TUBGCP3: variants seen among roughly 807,000 people sequenced by gnomAD.
TUBGCP3 encodes the protein gamma-tubulin complex component 3.
Under a neutral mutation model 123.1 loss-of-function variants are expected in TUBGCP3, and 50 were observed. That is an observed-to-expected ratio of 0.41 (90% CI 0.32 to 0.51). The LOEUF (loss-of-function observed/expected upper bound fraction) is 0.51, where lower values mean the gene tolerates loss of function less well. Ranked by LOEUF, TUBGCP3 falls within the 20% of genes least tolerant of loss-of-function variation. The pLI, the probability that TUBGCP3 is intolerant of heterozygous loss-of-function variation, is 0.36. For missense variants in TUBGCP3, 882 were observed against 1,127.0 expected (o/e 0.78, Z 3.11); for synonymous variants, 405 against 413.9 (o/e 0.98, Z 0.26).
rs2139298029 is a variant in TUBGCP3, at chr13:112,574,837, C to T, written c.77-5578G>A. Among the ~76,000 whole-genome samples the T allele has an allele frequency of 1.3e-5, 2 of 152,344 alleles. 1 individual carries two copies. The highest frequency in any genetic ancestry group is 6.8e-3 in the Middle Eastern group (2 of 294). Reference sequence around the variant, plus strand: ...ATTTTCTTTATCTGTTTGCTGTTTACTGCACCAGCTGGGGCTGGGTAACAC... The same window carrying T: ...ATTTTCTTTATCTGTTTGCTGTTTATTGCACCAGCTGGGGCTGGGTAACAC... On this transcript the variant is annotated intron_variant, in intron 1 of 21. Coordinates refer to ENST00000261965, the MANE Select transcript of TUBGCP3 (RefSeq NM_006322.6).
the TUBGCP3 span, among the ~76,000 whole-genome samples, chr13:112,600,697 G>A: frequency 6.6e-6 from 1 of 151,918 alleles, no homozygotes; most frequent in East Asian, 1.9e-4. Flanking sequence ...TATAAATATC[G>A]CTAGGATCGA....
At chr13:112,516,614 C>T (rs753471453) in intron 16 of TUBGCP3, 39 bp from the exon 17 acceptor site, 43 of 1,600,210 alleles carry the variant, frequency 2.7e-5, no homozygotes, top group Admixed American at 1.4e-4. Flanking sequence ...AGTATTCCCA[C>T]GTAAGAATCC....
chr13:112,530,697 A>G (rs1453287637), intron 11 of TUBGCP3, among the ~76,000 whole-genome samples: 1 of 152,246 alleles, frequency 6.6e-6, no homozygotes, highest in Non-Finnish European at 1.5e-5. Context: ...AGAGTTTCAG[A>G]GATCATTTTA....
At position 112,499,098 on chromosome 13, in the gene TUBGCP3, C is replaced by T; in HGVS notation, c.2395G>A (p.Glu799Lys). The change falls in exon 20 of 22, where the codon GAA becomes AAA. Residue 799 changes from glutamate to lysine, a missense_variant. Around this residue, in one of 3 missense-constraint regions of TUBGCP3, gnomAD observed 160 missense variants for 220.3 expected, o/e 0.73. Transcript: ENST00000261965. ...QDAIYRAALE[E>K]LQRRLQFEEK... ...TCAAACTGTAATCGTCTCTGCAATT[C>T]TTCCAGAGCAGCTCTGTATATTGCA... 6.2e-7 allele frequency: 1 copy of T among 1,614,142 alleles called. No individual in the cohort carries two copies. The highest frequency in any genetic ancestry group is 8.5e-7 in the Non-Finnish European group (1 of 1,180,022).
intron 20 of TUBGCP3, among the ~76,000 whole-genome samples, chr13:112,497,108 T>C (rs1880581651): frequency 1.3e-5 from 2 of 152,186 alleles, no homozygotes; most frequent in African/African-American, 2.4e-5. Context: ...CAGCATGCAC[T>C]TGAATGCCTA....
Position 112,516,505 on chromosome 13 carries a change from T to G in TUBGCP3, c.2021A>C (p.Glu674Ala). 6.2e-7 allele frequency: 1 copy of G among 1,614,064 alleles called. No individual in the cohort carries two copies. Among genetic ancestry groups the G allele is most frequent in the Non-Finnish European group, 8.5e-7 (1 of 1,180,014 alleles). Residue 674 changes from glutamate to alanine, a missense_variant, in exon 17 of 22, where the codon GAA becomes GCA. By Grantham distance (107) the Glu-to-Ala change is moderately radical. Coordinates refer to ENST00000261965, the MANE Select transcript of TUBGCP3 (RefSeq NM_006322.6). ...CTTCCGTATGTCAGTGAGGATGTATTCCATCCGCTTCGCCCTCCAGAGGAA... is the reference window on the plus strand; with the variant it reads ...CTTCCGTATGTCAGTGAGGATGTATGCCATCCGCTTCGCCCTCCAGAGGAA... ...FNFLWRAKRM[E>A]YILTDIRKGH... is the part of the protein sequence containing the mutation.
intron 18 of TUBGCP3, 63 bp from the exon 19 acceptor site, chr13:112,504,226 A>C: frequency 3.7e-6 from 6 of 1,605,414 alleles, no homozygotes; most frequent in Non-Finnish European, 5.1e-6. Context: ...AGCATCACTC[A>C]TAAAATATAT....
chr13:112,554,327 G>C, intron 7 of TUBGCP3, 145 bp from the exon 8 acceptor site: 1 of 1,005,102 alleles, frequency 9.9e-7, no homozygotes, highest in Non-Finnish European at 1.4e-6. Context: ...CATCACTAAA[G>C]GGAAGGAAAG....
At chr13:112,557,371 T>A (rs186032737) in intron 5 of TUBGCP3, among the ~76,000 whole-genome samples, 1 of 152,232 alleles carries the variant, frequency 6.6e-6, no homozygotes, top group Admixed American at 6.5e-5. Flanking sequence ...TTTTCGAGTA[T>A]CTTGAACATA....
intron 1 of TUBGCP3, 88 bp from the exon 2 acceptor site, chr13:112,569,347 T>A: frequency 8.9e-7 from 1 of 1,129,580 alleles, no homozygotes; most frequent in Non-Finnish European, 1.3e-6. Context: ...AGTGAACTAG[T>A]AATAACATCT....
upstream of TUBGCP3, among the ~76,000 whole-genome samples, chr13:112,591,724 C>T (rs146146646): frequency 9.8e-5 from 15 of 152,342 alleles, 1 homozygote; most frequent in East Asian, 2.7e-3. Context: ...GTGTGCATCA[C>T]TGGCCTATGA....
intron 20 of TUBGCP3, among the ~76,000 whole-genome samples, chr13:112,490,069 G>C (rs1396279543): frequency 6.6e-6 from 1 of 152,178 alleles, no homozygotes; most frequent in East Asian, 1.9e-4. Context: ...AGTGGAACCA[G>C]CTGGCCCAAG....
Position 112,489,777 on chromosome 13 carries a change from G to T in TUBGCP3, c.2449-80C>A, listed in dbSNP as rs568214002. On this transcript the variant is annotated intron_variant, in intron 20 of 21. Transcript: ENST00000261965. ...AGAGTAGGGCTGAAAACAGGTATGT[G>T]AGGAGCAGGAGGTGTCTGCTTTTTA... The T allele has an allele frequency of 7.9e-6, 9 of 1,133,900 alleles. No individual in the cohort carries two copies. The South Asian group carries it at 1.2e-4, about 15-fold the overall frequency. 70.2% of individuals were successfully genotyped at this position (1,133,900 alleles called of 1,614,324 possible).
At chr13:112,500,769 G>T (rs930977908) in intron 19 of TUBGCP3, among the ~76,000 whole-genome samples, 4 of 152,212 alleles carry the variant, frequency 2.6e-5, no homozygotes, top group African/African-American at 9.7e-5. Flanking sequence ...TACAGTTAAT[G>T]AAGACATTTG....
intron 4 of TUBGCP3, among the ~76,000 whole-genome samples, chr13:112,558,940 G>A (rs1219377821): frequency 6.6e-6 from 1 of 152,112 alleles, no homozygotes; most frequent in Non-Finnish European, 1.5e-5. Flanking sequence ...TGATGACAGG[G>A]TTTCACTGGC....
intron 11 of TUBGCP3, among the ~76,000 whole-genome samples, chr13:112,537,003 G>A (rs927711530): frequency 6.6e-6 from 1 of 151,922 alleles, no homozygotes; most frequent in South Asian, 2.1e-4. Flanking sequence ...CTCAAACTCT[G>A]ACCGCAAGCC....
chr13:112,577,823 G>C (rs1881946334), intron 1 of TUBGCP3, among the ~76,000 whole-genome samples: 1 of 152,108 alleles, frequency 6.6e-6, no homozygotes, highest in Non-Finnish European at 1.5e-5. Context: ...CTGGAGTGGG[G>C]AGCCATGGCA....
upstream of TUBGCP3, among the ~76,000 whole-genome samples, chr13:112,589,062 T>G (rs1224898987): frequency 6.6e-6 from 1 of 152,208 alleles, no homozygotes; most frequent in Non-Finnish European, 1.5e-5. Flanking sequence ...ACTGTCTCCT[T>G]GCATGATGCA....
intron 8 of TUBGCP3, among the ~76,000 whole-genome samples, chr13:112,551,884 G>T (rs1026166688): frequency 3.3e-5 from 5 of 151,850 alleles, no homozygotes; most frequent in Non-Finnish European, 7.4e-5. Context: ...AGGGTGGGAT[G>T]GGGGGGCAGA....
Sources: allele counts gnomAD v4.1 joint callset (sites outside exome capture counted in the v4.1 genomes callset), GRCh38; gene constraint gnomAD v4.1.1; regional missense constraint gnomAD v4.1.1; transcripts MANE v1.5; gene names NCBI Gene and HGNC (gene_info 2026-07-23, HGNC 2026-07-21).